GRIK2: variants seen among roughly 807,000 people sequenced by gnomAD.
The protein encoded by GRIK2 is glutamate ionotropic receptor kainate type subunit 2, also known as glutamate receptor ionotropic, kainate 2.
GRIK2 carries 32 observed loss-of-function variants against 100.3 expected under a neutral mutation model. The ratio of observed to expected loss-of-function variants is 0.32; its 90% CI spans 0.24 to 0.43. The LOEUF (loss-of-function observed/expected upper bound fraction) is 0.43, where lower values mean the gene tolerates loss of function less well. Ranked by LOEUF, GRIK2 falls within the 20% of genes least tolerant of loss-of-function variation. The pLI, the probability that GRIK2 is intolerant of heterozygous loss-of-function variation, is 1.00. For synonymous variants in GRIK2, 417 were observed against 389.4 expected (o/e 1.07, Z -0.83); for missense variants, 843 against 1,114.9 (o/e 0.76, Z 3.47).
intron 14 of GRIK2, among the ~76,000 whole-genome samples, chr6:102,028,828 T>G (rs1178701521): frequency 2.0e-5 from 3 of 151,084 alleles, no homozygotes; most frequent in Non-Finnish European, 4.4e-5. Flanking sequence ...TATTTTCACT[T>G]TTTTTTAAGG....
intron 5 of GRIK2, among the ~76,000 whole-genome samples, chr6:101,679,778 C>T (rs968764031): frequency 3.3e-5 from 5 of 152,140 alleles, no homozygotes; most frequent in Admixed American, 2.6e-4. Context: ...CTGGCTCTGT[C>T]GCCCAGGCTA....
At chr6:101,844,453 A>C (rs1783691335) in intron 10 of GRIK2, among the ~76,000 whole-genome samples, 2 of 152,316 alleles carry the variant, frequency 1.3e-5, no homozygotes, top group South Asian at 4.1e-4. Context: ...AAAGAACGAC[A>C]TGGCTTGTGA....
intron 2 of GRIK2, among the ~76,000 whole-genome samples, chr6:101,545,170 A>G (rs1405422079): frequency 2.6e-5 from 4 of 152,230 alleles, no homozygotes; most frequent in Non-Finnish European, 4.4e-5. Flanking sequence ...ATATTTTTCT[A>G]GGAATATTTA....
chr6:101,903,297 T>C (rs1385022875), intron 12 of GRIK2, among the ~76,000 whole-genome samples: 1 of 151,868 alleles, frequency 6.6e-6, no homozygotes, highest in African/African-American at 2.4e-5. Context: ...GGGTATGTTA[T>C]TGGCAGTGGC....
chr6:101,556,573 G>T (rs1419362232), intron 2 of GRIK2, among the ~76,000 whole-genome samples: 1 of 151,492 alleles, frequency 6.6e-6, no homozygotes, highest in Non-Finnish European at 1.5e-5. Flanking sequence ...GAAAATTATT[G>T]AACTATAAGA....
intron 12 of GRIK2, among the ~76,000 whole-genome samples, chr6:101,906,559 A>T (rs749488200): frequency 6.6e-6 from 1 of 151,706 alleles, no homozygotes; most frequent in Non-Finnish European, 1.5e-5. Flanking sequence ...ACAAATGTAC[A>T]TGGGAAGGCA....
chr6:101,982,111 G>C (rs1452580137), intron 14 of GRIK2, among the ~76,000 whole-genome samples: 2 of 152,056 alleles, frequency 1.3e-5, no homozygotes, highest in Admixed American at 1.3e-4. Context: ...CTTACAATTT[G>C]TGGTGGAGCT....
intron 7 of GRIK2, among the ~76,000 whole-genome samples, chr6:101,773,588 A>G (rs1778548831): frequency 6.6e-6 from 1 of 152,116 alleles, no homozygotes; most frequent in South Asian, 2.1e-4. Context: ...CTTATTTAAA[A>G]AACAAAACCA....
chr6:101,690,283 C>T (rs528313629), intron 7 of GRIK2, among the ~76,000 whole-genome samples: 1 of 151,938 alleles, frequency 6.6e-6, no homozygotes, highest in Non-Finnish European at 1.5e-5. Context: ...AAATGTATTA[C>T]ACAAATCAAT....
chr6:101,528,337 A>G (rs1582647902), intron 2 of GRIK2, among the ~76,000 whole-genome samples: 1 of 152,320 alleles, frequency 6.6e-6, no homozygotes, highest in Admixed American at 6.5e-5. Context: ...TTTGGGGTAG[A>G]AACTCTTAAA....
intron 7 of GRIK2, among the ~76,000 whole-genome samples, chr6:101,721,233 C>G (rs1774460772): frequency 6.6e-6 from 1 of 151,936 alleles, no homozygotes; most frequent in South Asian, 2.1e-4. Context: ...GCAGTTTTTA[C>G]AGCAACAAAT....
intron 2 of GRIK2, among the ~76,000 whole-genome samples, chr6:101,557,946 G>A (rs1435522318): frequency 6.6e-6 from 1 of 152,114 alleles, no homozygotes; most frequent in Non-Finnish European, 1.5e-5. Flanking sequence ...TGAACTGCAG[G>A]AAACTTTTGG....
chr6:101,842,827 G>A (rs1008199214), intron 10 of GRIK2, among the ~76,000 whole-genome samples: 1 of 152,020 alleles, frequency 6.6e-6, no homozygotes, highest in African/African-American at 2.4e-5. Context: ...GTGGGATGTG[G>A]GTAGAAAGCA....
At chr6:101,534,593 C>G (rs1369535732) in intron 2 of GRIK2, among the ~76,000 whole-genome samples, 1 of 151,700 alleles carries the variant, frequency 6.6e-6, no homozygotes, top group East Asian at 1.9e-4. Context: ...GTACAAAATT[C>G]CACTTAGTGG....
At chr6:101,914,185 C>T (rs1413578888) in intron 12 of GRIK2, among the ~76,000 whole-genome samples, 1 of 151,228 alleles carries the variant, frequency 6.6e-6, no homozygotes, top group South Asian at 2.1e-4. Context: ...TGGTGATGTA[C>T]TAGATGTGGA....
chr6:101,806,626 G>GTTT (rs10666025), intron 9 of GRIK2, among the ~76,000 whole-genome samples: 14,818 of 141,502 alleles, frequency 0.1, 1,592 homozygotes, highest in East Asian at 0.62. Context: ...CCTACAGAGG[G>GTTT]TTTTTTTTTT....
chr6:101,505,717 C>G (rs935138850), intron 2 of GRIK2, among the ~76,000 whole-genome samples: 1 of 149,382 alleles, frequency 6.7e-6, no homozygotes, highest in African/African-American at 2.5e-5. Flanking sequence ...TCTGATAGAA[C>G]CTTGAAGAAT....
intron 2 of GRIK2, among the ~76,000 whole-genome samples, chr6:101,616,229 T>A (rs1779888425): frequency 6.6e-6 from 1 of 151,876 alleles, no homozygotes; most frequent in Non-Finnish European, 1.5e-5. Flanking sequence ...AGATTTTATC[T>A]TCACCTTTCA....
chr6:101,889,670 A>G lies in GRIK2; in HGVS notation c.1555A>G (p.Ile519Val). The G allele has an allele frequency of 6.3e-6, 10 of 1,589,592 alleles. No homozygotes were observed. Among genetic ancestry groups the G allele is most frequent in the Non-Finnish European group, 8.5e-6 (10 of 1,172,394 alleles). Residue 519 changes from isoleucine to valine, a missense_variant, in exon 12 of 17, where the codon ATT becomes GTT. Physicochemically the swap from Ile to Val is conservative, Grantham distance 29. Coordinates refer to ENST00000369134, the MANE Select transcript of GRIK2 (RefSeq NM_021956.5). ...TGACCTTGCAGTTGCTCCACTGGCT[A>G]TTACCTATGTTCGAGAGAAGGTCAT... ...KADLAVAPLA[I>V]TYVREKVIDF...
Sources: allele counts gnomAD v4.1 joint callset (sites outside exome capture counted in the v4.1 genomes callset), GRCh38; gene constraint gnomAD v4.1.1; transcripts MANE v1.5; gene names NCBI Gene and HGNC (gene_info 2026-07-23, HGNC 2026-07-21).